DCDC1: variants seen among roughly 807,000 people sequenced by gnomAD.
DCDC1 encodes doublecortin domain-containing protein 1.
DCDC1 carries 200 observed loss-of-function variants against 178.3 expected under a neutral mutation model. That is an observed-to-expected ratio of 1.12 (90% confidence interval 1.00 to 1.26). The LOEUF is 1.26. DCDC1 is among the 50% of genes most tolerant of loss of function. The pLI is 0.00. For missense variants in DCDC1, 1,983 were observed against 1,749.2 expected, an observed-to-expected ratio of 1.13 and a Z score of -2.38; for synonymous variants, 690 against 604.8, an observed-to-expected ratio of 1.14 and a Z score of -2.07.
chr11:31,270,322 C>T (rs1173122998), intron 7 of DCDC1, among the ~76,000 whole-genome samples: 2 of 152,198 alleles, frequency 1.3e-5, no homozygotes, highest in African/African-American at 4.8e-5. Flanking sequence ...CACATTTGAT[C>T]ATTTACATAT....
At chr11:31,354,383 C>G (rs183973594) in intron 1 of DCDC1, among the ~76,000 whole-genome samples, 2 of 152,184 alleles carry the variant, frequency 1.3e-5, no homozygotes, top group Admixed American at 1.3e-4. Flanking sequence ...GAAAGAATAT[C>G]TTTTTATTCC....
chr11:30,915,408 A>G (rs1945760338), intron 27 of DCDC1, 103 bp downstream of exon 27: 1 of 1,249,104 alleles, frequency 8.0e-7, no homozygotes, highest in East Asian at 2.4e-5. Context: ...TAGAAGACCC[A>G]GAATTCTCAG....
At chr11:31,262,354 A>G (rs1944854649) in intron 8 of DCDC1, among the ~76,000 whole-genome samples, 1 of 152,164 alleles carries the variant, frequency 6.6e-6, no homozygotes, top group Non-Finnish European at 1.5e-5. Flanking sequence ...TCAAAGGTTT[A>G]CTTGACAAAC....
intron 38 of DCDC1, among the ~76,000 whole-genome samples, chr11:30,868,859 G>A (rs1050877066): frequency 6.6e-6 from 1 of 152,222 alleles, no homozygotes; most frequent in Non-Finnish European, 1.5e-5. Context: ...ACCTGGGAGT[G>A]AGTTTACTTT....
chr11:30,909,124 A>C lies in DCDC1; in HGVS notation c.3748-8T>G. The C allele has an allele frequency of 6.3e-7, 1 of 1,598,746 alleles. No individual in the cohort carries two copies. Among genetic ancestry groups the C allele is most frequent in the Admixed American group, 1.7e-5 (1 of 59,138 alleles). Reference sequence around the variant, plus strand: ...GTTGTACGGCTTATATTTCTGAAAAAAGAGGCAAAATATGGAGTCAAGTGA... The same window carrying C: ...GTTGTACGGCTTATATTTCTGAAAACAGAGGCAAAATATGGAGTCAAGTGA... On this transcript the variant is annotated splice_polypyrimidine_tract_variant and splice_region_variant and intron_variant, in intron 28 of 38. Transcript: ENST00000684477.
At chr11:30,927,302 T>C (rs1946647568) in intron 22 of DCDC1, among the ~76,000 whole-genome samples, 1 of 151,934 alleles carries the variant, frequency 6.6e-6, no homozygotes, top group Non-Finnish European at 1.5e-5. Context: ...TTTCTGATTG[T>C]TTCACTAAGC....
chr11:30,887,045 C>T (rs1943239372), intron 36 of DCDC1, among the ~76,000 whole-genome samples: 1 of 152,000 alleles, frequency 6.6e-6, no homozygotes, highest in South Asian at 2.1e-4. Context: ...CTTGGTTTCT[C>T]CTAAGACCTA....
At chr11:31,076,023 C>T (rs1032896646) in intron 18 of DCDC1, among the ~76,000 whole-genome samples, 2 of 152,046 alleles carry the variant, frequency 1.3e-5, no homozygotes, top group Non-Finnish European at 2.9e-5. Context: ...CCACGCCTGG[C>T]TAATTTTGTA....
intron 20 of DCDC1, among the ~76,000 whole-genome samples, chr11:31,043,391 C>T (rs1954609233): frequency 6.6e-6 from 1 of 152,132 alleles, no homozygotes; most frequent in African/African-American, 2.4e-5. Context: ...TTCTTCAAGC[C>T]TCCTGAAGGC....
intron 9 of DCDC1, among the ~76,000 whole-genome samples, chr11:31,234,429 T>A (rs1188045423): frequency 6.6e-6 from 1 of 152,196 alleles, no homozygotes; most frequent in African/African-American, 2.4e-5. Flanking sequence ...CCACTATATA[T>A]GTCTCTGAAT....
intron 9 of DCDC1, among the ~76,000 whole-genome samples, chr11:31,213,241 T>A (rs999030256): frequency 6.6e-6 from 1 of 150,778 alleles, no homozygotes; most frequent in Admixed American, 6.6e-5. Flanking sequence ...CCAGTCTGGT[T>A]GGATATTTTC....
At chr11:31,352,233 G>T (rs1951108881) in intron 1 of DCDC1, among the ~76,000 whole-genome samples, 1 of 152,066 alleles carries the variant, frequency 6.6e-6, no homozygotes, top group Admixed American at 6.6e-5. Context: ...GAAACCATGT[G>T]CTGTCATGGG....
At chr11:31,332,849 T>C (rs1367245309) in intron 2 of DCDC1, among the ~76,000 whole-genome samples, 1 of 152,210 alleles carries the variant, frequency 6.6e-6, no homozygotes, top group Non-Finnish European at 1.5e-5. Flanking sequence ...GAGAAGAATG[T>C]ATATTCTGCT....
At chr11:30,934,725 A>G (rs1445076272) in intron 21 of DCDC1, among the ~76,000 whole-genome samples, 1 of 152,172 alleles carries the variant, frequency 6.6e-6, no homozygotes, top group African/African-American at 2.4e-5. Flanking sequence ...ATTCCATCCT[A>G]AGGGAAACGG....
intron 9 of DCDC1, among the ~76,000 whole-genome samples, chr11:31,213,776 G>A (rs1197798751): frequency 1.3e-5 from 2 of 151,328 alleles, no homozygotes; most frequent in Non-Finnish European, 2.9e-5. Flanking sequence ...ATGTAAAGAG[G>A]TCCATGACAT....
intron 1 of DCDC1, among the ~76,000 whole-genome samples, chr11:31,341,315 C>T (rs1433330231): frequency 6.6e-6 from 1 of 152,056 alleles, no homozygotes; most frequent in Non-Finnish European, 1.5e-5. Flanking sequence ...AACATTGAGA[C>T]CAATTCACCC....
At chr11:31,113,498 TCTC>T (rs1959319195) in intron 11 of DCDC1, among the ~76,000 whole-genome samples, 1 of 143,184 alleles carries the variant, frequency 7.0e-6, no homozygotes, top group Admixed American at 7.2e-5. Context: ...GTCCATGTGT[TCTC>T]CTTGTTCAAT....
In DCDC1 at chr11:31,250,411, C is replaced by CATAT. The variant is rs1431913581; in HGVS notation, c.1055-8796_1055-8795insATAT. Among the ~76,000 whole-genome samples, 49 of 97,578 alleles carry CATAT rather than the reference C, an allele frequency of 5.0e-4. 1 individual carries two copies. The highest frequency in any genetic ancestry group is 1.6e-3 in the African/African-American group (39 of 24,384). The allele number at this position is 97,578 out of a possible 152,430, so 64.0% of individuals were successfully genotyped here. A position where few individuals can be genotyped will look rare whatever the true frequency, so the allele number is the denominator to read the frequency against. ...ACACACACACACACACACACACACA[C>CATAT]ACACATATACATATATATGTATATA... On this transcript the variant is annotated intron_variant, in intron 8 of 38. Coordinates refer to ENST00000684477, the MANE Select transcript of DCDC1 (RefSeq NM_001387274.1).
chr11:30,868,344 G>C (rs1415370982), intron 38 of DCDC1, among the ~76,000 whole-genome samples: 1 of 143,482 alleles, frequency 7.0e-6, no homozygotes, highest in South Asian at 2.3e-4. Context: ...TCCGCCTCCC[G>C]GGTTCCAGAG....
Sources: gnomAD v4.1 joint callset for allele counts (sites outside exome capture counted in the v4.1 genomes callset) on GRCh38, gnomAD v4.1.1 for gene constraint, MANE v1.5 for transcripts, NCBI Gene and HGNC (gene_info 2026-07-23, HGNC 2026-07-21) for gene names.